FAM234A: variants seen among roughly 807,000 people sequenced by gnomAD.
The protein encoded by FAM234A is family with sequence similarity 234 member A, also known as protein FAM234A.
Under a neutral mutation model 49.1 loss-of-function variants are expected in FAM234A, and 42 were observed. That is an observed-to-expected ratio of 0.86 (90% CI 0.67 to 1.11). The LOEUF is 1.11. Among genes scored for constraint, FAM234A ranks in the 50% least tolerant of loss-of-function variants. FAM234A has a pLI of 0.00. For synonymous variants in FAM234A, 369 were observed against 316.2 expected, an observed-to-expected ratio of 1.17 and a Z score of -1.77; for missense variants, 815 against 745.2, an observed-to-expected ratio of 1.09 and a Z score of -1.09.
intron 5 of FAM234A, chr16:260,499 T>G: frequency 2.0e-6 from 1 of 490,078 alleles, no homozygotes; most frequent in Non-Finnish European, 4.1e-6. Context: ...GTGGTGGCAG[T>G]GCCCAGGGCG....
downstream of FAM234A, among the ~76,000 whole-genome samples, chr16:267,016 G>T (rs1406337853): frequency 1.3e-5 from 2 of 152,120 alleles, no homozygotes; most frequent in African/African-American, 4.8e-5. Flanking sequence ...GGAGTTGAGG[G>T]GCTGGGCCAA....
chr16:239,614 C>CAA (rs534376069), intron 1 of FAM234A, among the ~76,000 whole-genome samples: 29,002 of 101,954 alleles, frequency 0.28, 3,324 homozygotes, highest in Middle Eastern at 0.34. Flanking sequence ...GGCCCCGTCT[C>CAA]AAAAAAAAAA....
chr16:264,149 A>G lies in FAM234A; in HGVS notation c.1322A>G (p.Glu441Gly). ...RSAFFFWGLH[E>G]LGSTSETETG... The stretch of plus-strand genomic sequence containing the variant: ...GCCTTCTTCTTCTGGGGCCTCCACG[A>G]GCTGGGGAGCACCAGCGAGACGGTA... Residue 441 changes from glutamate (E) to glycine (G), a missense_variant, in exon 11 of 13, where the codon GAG becomes GGG. Physicochemically the swap from Glu to Gly is moderately conservative, Grantham distance 98. Coordinates refer to ENST00000399932, the MANE Select transcript of FAM234A (RefSeq NM_032039.4). The G allele has an allele frequency of 6.2e-7, 1 of 1,605,308 alleles. No homozygotes were observed. Among genetic ancestry groups the G allele is most frequent in the Non-Finnish European group, 8.5e-7 (1 of 1,178,876 alleles).
chr16:244,711 G>A (rs1291380860), intron 1 of FAM234A, among the ~76,000 whole-genome samples: 2 of 125,418 alleles, frequency 1.6e-5, no homozygotes, highest in Non-Finnish European at 3.3e-5. Context: ...TTTTTGAGAC[G>A]GAATTTTGCT....
chr16:258,985 G>A (rs1350774962), intron 3 of FAM234A, among the ~76,000 whole-genome samples: 3 of 152,102 alleles, frequency 2.0e-5, no homozygotes, highest in East Asian at 1.9e-4. Flanking sequence ...GGTTTCACAC[G>A]TTGGCCAAGA....
Position 250,227 on chromosome 16 carries a change from G to T in FAM234A, c.-34+573G>T, listed in dbSNP as rs141805076. 4.3e-3 allele frequency among the ~76,000 whole-genome samples: 662 copies of T among 152,282 alleles called. 2 individuals carry two copies. The highest frequency in any genetic ancestry group is 6.2e-3 in the African/African-American group (259 of 41,560). On this transcript the variant is annotated intron_variant, in intron 2 of 12. Coordinates refer to ENST00000399932, the MANE Select transcript of FAM234A (RefSeq NM_032039.4). ...ACTACAGGCGTGAGCCACCGCGCCCGGCCAGGAATCTATGTTTTAAACATT... is the reference window on the plus strand; with the variant it reads ...ACTACAGGCGTGAGCCACCGCGCCCTGCCAGGAATCTATGTTTTAAACATT...
At chr16:245,299 A>G (rs916143917) in intron 1 of FAM234A, among the ~76,000 whole-genome samples, 3 of 152,134 alleles carry the variant, frequency 2.0e-5, no homozygotes, top group African/African-American at 7.2e-5. Context: ...GTGAGCCTAG[A>G]TCACCACTGC....
At chr16:256,263 C>G (rs2051228198) in intron 3 of FAM234A, among the ~76,000 whole-genome samples, 1 of 152,186 alleles carries the variant, frequency 6.6e-6, no homozygotes, top group African/African-American at 2.4e-5. Flanking sequence ...TTATGTTTAA[C>G]TTTCTGAGGA....
chr16:237,053 C>G (rs1349043493), intron 1 of FAM234A, among the ~76,000 whole-genome samples: 3 of 150,898 alleles, frequency 2.0e-5, no homozygotes, highest in Non-Finnish European at 1.5e-5. Context: ...TGCGCCCAGC[C>G]TGTTTATTTA....
In FAM234A at chr16:238,543, G is replaced by A. The variant is rs376041914; in HGVS notation, c.-140+3686G>A. On this transcript the variant is annotated intron_variant, in intron 1 of 12. Transcript: ENST00000399932. ...GCCCTTTGGGAGGCCAAGGGGGGCA[G>A]ATCATGAGGTCAGGAGATCGAGACC... Among the ~76,000 whole-genome samples, 4 of 152,166 alleles carry A rather than the reference G, an allele frequency of 2.6e-5. No individual in the cohort carries two copies. In the East Asian group the frequency reaches 5.8e-4, roughly 22 times the overall value.
intron 1 of FAM234A, among the ~76,000 whole-genome samples, chr16:248,597 A>G (rs950216199): frequency 2.6e-5 from 4 of 151,872 alleles, no homozygotes; most frequent in Non-Finnish European, 5.9e-5. Flanking sequence ...AGATGAAAGG[A>G]GATTTACCCT....
chr16:264,735 A>AGGGACCCG lies in FAM234A; in HGVS notation c.1447+22_1447+29dup. 1 of 1,609,404 alleles carries AGGGACCCG rather than the reference A, an allele frequency of 6.2e-7. No individual in the cohort carries two copies. Among genetic ancestry groups the AGGGACCCG allele is most frequent in the South Asian group, 1.1e-5 (1 of 91,050 alleles). ...TTTGACGGTGAGTGTGGCCTCGGCC[A>AGGGACCCG]GGGACCCGGGTGTTCCGCGGGGTCT... On this transcript the variant is annotated intron_variant, in intron 12 of 12. Coordinates refer to ENST00000399932, the MANE Select transcript of FAM234A (RefSeq NM_032039.4).
intron 2 of FAM234A, among the ~76,000 whole-genome samples, chr16:251,019 C>T (rs2050979535): frequency 2.0e-5 from 3 of 152,086 alleles, no homozygotes; most frequent in Admixed American, 2.0e-4. Flanking sequence ...TGCAATGGTG[C>T]AATCTTGGCT....
chr16:244,812 C>T (rs754817152), intron 1 of FAM234A, among the ~76,000 whole-genome samples: 4 of 150,986 alleles, frequency 2.6e-5, no homozygotes, highest in African/African-American at 9.7e-5. Flanking sequence ...CTCAGCCTCC[C>T]GAGTAGCTGG....
intron 5 of FAM234A, chr16:260,447 AGAG>A (rs1212589018): frequency 2.5e-5 from 13 of 519,460 alleles, no homozygotes; most frequent in Non-Finnish European, 4.8e-5. Context: ...GGGGTAGCAG[AGAG>A]GAGGAGCGGC....
At chr16:263,855 C>T (rs891862283) in intron 10 of FAM234A, 80 bp downstream of exon 10, 2 of 1,415,498 alleles carry the variant, frequency 1.4e-6, no homozygotes, top group Non-Finnish European at 2.0e-6. Context: ...GGGGCTGCGG[C>T]CCAGGAGGCT....
intron 1 of FAM234A, among the ~76,000 whole-genome samples, chr16:241,643 C>T (rs900044227): frequency 4.6e-5 from 7 of 151,682 alleles, no homozygotes; most frequent in African/African-American, 7.3e-5. Context: ...AGAGGCCGGG[C>T]GCGGTGGCTC....
chr16:245,930 G>A (rs1204356931), intron 1 of FAM234A, among the ~76,000 whole-genome samples: 2 of 152,046 alleles, frequency 1.3e-5, no homozygotes, highest in Non-Finnish European at 2.9e-5. Flanking sequence ...TTTTTGGCCA[G>A]GCGCAGTGGC....
intron 2 of FAM234A, among the ~76,000 whole-genome samples, chr16:252,666 G>A (rs1186159934): frequency 6.6e-6 from 1 of 152,168 alleles, no homozygotes; most frequent in Non-Finnish European, 1.5e-5. Context: ...CAGACTCGTC[G>A]TTTTTCCCTT....
Sources: allele counts gnomAD v4.1 joint callset (sites outside exome capture counted in the v4.1 genomes callset), GRCh38; gene constraint gnomAD v4.1.1; transcripts MANE v1.5; gene names NCBI Gene and HGNC (gene_info 2026-07-23, HGNC 2026-07-21).